PARP14: variants seen among roughly 807,000 people sequenced by gnomAD.
PARP14 encodes protein mono-ADP-ribosyltransferase PARP14.
A neutral mutation model predicts 154.2 loss-of-function variants in PARP14; 59 were observed. That is an observed-to-expected ratio of 0.38 (90% CI 0.31 to 0.48). PARP14 has a LOEUF of 0.48. PARP14 is among the 20% of genes least tolerant of loss of function. PARP14 has a pLI of 0.98. For synonymous variants in PARP14, 720 were observed against 780.5 expected (o/e 0.92, Z 1.29); for missense variants, 1,734 against 2,131.6 (o/e 0.81, Z 3.67).
chr3:122,717,733 G>C (rs1396719893), intron 12 of PARP14, among the ~76,000 whole-genome samples: 1 of 152,202 alleles, frequency 6.6e-6, no homozygotes, highest in Non-Finnish European at 1.5e-5. Flanking sequence ...AGCGAGCTAA[G>C]TAGAAAAGCT....
Position 122,713,415 on chromosome 3 carries a change from T to A in PARP14, c.3620-9T>A, listed in dbSNP as rs373658584. On this transcript the variant is annotated splice_polypyrimidine_tract_variant and intron_variant, in intron 9 of 16. Coordinates refer to ENST00000474629, the MANE Select transcript of PARP14 (RefSeq NM_017554.3). ...ACTCGGTTATTGACTTTACTTCTTT[T>A]CTTTTCAGGTTTTTATGGGACTGTT... 14 of 1,605,324 alleles carry A rather than the reference T, an allele frequency of 8.7e-6. No individual in the cohort carries two copies. In the African/African-American group the frequency reaches 1.7e-4, roughly 20 times the overall value.
intron 9 of PARP14, among the ~76,000 whole-genome samples, chr3:122,709,552 A>G (rs1003972047): frequency 6.6e-6 from 1 of 152,196 alleles, no homozygotes; most frequent in Non-Finnish European, 1.5e-5. Context: ...CTTTGGGTAG[A>G]TACCCAGTAG....
chr3:122,715,400 C>T (rs1444979393), intron 12 of PARP14, among the ~76,000 whole-genome samples: 6 of 152,256 alleles, frequency 3.9e-5, no homozygotes, highest in Non-Finnish European at 8.8e-5. Context: ...ATTTCTGGGC[C>T]TTCTTCTAAC....
intron 15 of PARP14, chr3:122,720,862 A>G: frequency 4.4e-6 from 2 of 456,606 alleles, no homozygotes; most frequent in South Asian, 3.1e-5. Flanking sequence ...AGTCCCAGCT[A>G]TTGGGAGGCT....
rs1938186368 is a variant in PARP14, at chr3:122,681,009, T to C, written c.126T>C (p.Cys42=). 6.2e-7 allele frequency: 1 copy of C among 1,613,188 alleles called. No homozygotes were observed. The highest frequency in any genetic ancestry group is 1.3e-5 in the African/African-American group (1 of 74,706). Residue 42 remains cysteine (C), a synonymous_variant, in exon 1 of 17, where the codon TGT becomes TGC. Transcript: ENST00000474629. The surrounding 1 kb of genome is among the most constrained non-coding windows in gnomAD (Gnocchi z 5.5). ...CGAAGAGGTCGGGAGGCGGCGAGTG[T>C]GAGGTCCGCCAGGATCCCAGGAGCC... ...QSPKRSGGGE[C]EVRQDPRSPS... is the part of the protein sequence containing the mutation.
intron 1 of PARP14, 81 bp from the exon 2 acceptor site, chr3:122,685,104 C>T (rs2107635433): frequency 6.7e-7 from 1 of 1,499,146 alleles, no homozygotes. Flanking sequence ...GATGGTAATG[C>T]AGCCCACGGA....
chr3:122,711,474 T>A (rs1387063980), intron 9 of PARP14, among the ~76,000 whole-genome samples: 2 of 152,202 alleles, frequency 1.3e-5, no homozygotes, highest in Non-Finnish European at 2.9e-5. Flanking sequence ...TGAAGTGCTG[T>A]TGGATTTTGT....
At chr3:122,685,041 C>A in intron 1 of PARP14, 144 bp from the exon 2 acceptor site, 1 of 764,982 alleles carries the variant, frequency 1.3e-6, no homozygotes, top group Non-Finnish European at 2.1e-6. Flanking sequence ...CTAAACTTTT[C>A]CTCTTTTACT....
chr3:122,714,227 T>A (rs369899388), intron 11 of PARP14, 35 bp from the exon 12 acceptor site: 1 of 1,554,604 alleles, frequency 6.4e-7, no homozygotes, highest in African/African-American at 1.4e-5. Context: ...GTTCAACTTC[T>A]ACTAATTTTG....
Position 122,700,613 on chromosome 3 carries a change from A to G in PARP14, c.2059A>G (p.Lys687Glu). ...VKPSLVIDYL[K>E]TEKKLFWPKI... The stretch of plus-strand genomic sequence containing the variant: ...GCCTTCCTTAGTTATTGACTATTTA[A>G]AGACAGAAAAGAAGCTATTCTGGCC... The change falls in exon 6 of 17, where the codon AAG becomes GAG. Residue 687 changes from lysine (K) to glutamate (E), a missense_variant. Transcript: ENST00000474629. The G allele has an allele frequency of 6.2e-7, 1 of 1,601,472 alleles. No homozygotes were observed. Among genetic ancestry groups the G allele is most frequent in the South Asian group, 1.1e-5 (1 of 88,940 alleles).
chr3:122,698,298 C>A (rs931614022), intron 5 of PARP14, among the ~76,000 whole-genome samples: 16 of 152,188 alleles, frequency 1.1e-4, no homozygotes, highest in Admixed American at 3.3e-4. Context: ...CTCTTTTAAC[C>A]CAAGTTGTTA....
At chr3:122,716,392 A>G (rs1031420202) in intron 12 of PARP14, among the ~76,000 whole-genome samples, 1 of 152,152 alleles carries the variant, frequency 6.6e-6, no homozygotes, top group Admixed American at 6.5e-5. Flanking sequence ...ATTTGATTGA[A>G]TATTTACTGA....
intron 12 of PARP14, 33 bp downstream of exon 12, chr3:122,714,462 C>G: frequency 6.7e-7 from 1 of 1,503,554 alleles, no homozygotes; most frequent in Non-Finnish European, 8.9e-7. Context: ...GGCTAAATCC[C>G]AAGCCATCTA....
rs1382889546 is a variant in PARP14 at position 122,681,854 on chromosome 3, A to G, written c.187+784A>G. On this transcript the variant is annotated intron_variant, in intron 1 of 16. Transcript: ENST00000474629. This position sits in a 1 kb window ranked among gnomAD's most constrained non-coding sequence, Gnocchi z 5.5. ...GGCTCAAGGGCCTCCCTGGTCTGCA[A>G]TGGGAAGCCAGTGACCTGCAGCTCC... Among the ~76,000 whole-genome samples the G allele has an allele frequency of 6.6e-6, 1 of 152,172 alleles. No homozygotes were observed. Among genetic ancestry groups the G allele is most frequent in the African/African-American group, 2.4e-5 (1 of 41,442 alleles).
rs1221439170 is a variant in PARP14, at chr3:122,699,532, A to G, written c.978A>G (p.Leu326=). The G allele has an allele frequency of 1.4e-5, 22 of 1,613,862 alleles. No individual in the cohort carries two copies. Among genetic ancestry groups the G allele is most frequent in the African/African-American group, 2.7e-5 (2 of 74,944 alleles). Reference sequence around the variant, plus strand: ...TTCCAGCACCATTTGAAGAGTCACTAGATCTTCCCTTATGGAAGTTCTTAC... The same window carrying G: ...TTCCAGCACCATTTGAAGAGTCACTGGATCTTCCCTTATGGAAGTTCTTAC... ...IKLPAPFEES[L]DLPLWKFLQK... is the part of the protein sequence containing the mutation. Residue 326 remains leucine (L), a synonymous_variant, in exon 6 of 17, where the codon CTA becomes CTG. Coordinates refer to ENST00000474629, the MANE Select transcript of PARP14 (RefSeq NM_017554.3).
At chr3:122,707,952 C>G (rs910724940) in intron 8 of PARP14, among the ~76,000 whole-genome samples, 1 of 152,130 alleles carries the variant, frequency 6.6e-6, no homozygotes, top group Admixed American at 6.5e-5. Flanking sequence ...TAGTGAATAT[C>G]CTTGTATTTA....
chr3:122,685,060 A>T, intron 1 of PARP14, 125 bp from the exon 2 acceptor site: 1 of 943,736 alleles, frequency 1.1e-6, no homozygotes, highest in Non-Finnish European at 1.6e-6. Context: ...CTTCACATAT[A>T]GCCTCTCTTG....
chr3:122,714,102 T>A (rs1932925040), intron 11 of PARP14, among the ~76,000 whole-genome samples, 160 bp from the exon 12 acceptor site: 2 of 152,062 alleles, frequency 1.3e-5, no homozygotes, highest in African/African-American at 4.8e-5. Context: ...ATCTCACAGT[T>A]AAAAGTAAAG....
In PARP14 at chr3:122,695,478, T is replaced by G. The variant is rs750643478; in HGVS notation, c.651T>G (p.Leu217=). ...CCAAGCACCATTCAATTAAACAACT[T>G]CAGCTTTCTCCAAGACTTCTGGAAG... The part of the protein sequence containing the change: ...DCTKHHSIKQ[L]QLSPRLLEVT... Residue 217 remains leucine, a synonymous_variant, in exon 5 of 17, where the codon CTT becomes CTG. Transcript: ENST00000474629. The G allele has an allele frequency of 1.2e-6, 2 of 1,609,414 alleles. No individual in the cohort carries two copies. Among genetic ancestry groups the G allele is most frequent in the Non-Finnish European group, 1.7e-6 (2 of 1,176,992 alleles).
Sources: gnomAD v4.1 joint callset for allele counts (sites outside exome capture counted in the v4.1 genomes callset) on GRCh38, gnomAD v4.1.1 for gene constraint, Gnocchi (gnomAD v3.1) non-coding constraint, MANE v1.5 for transcripts, NCBI Gene and HGNC (gene_info 2026-07-23, HGNC 2026-07-21) for gene names.